TOR1AIP1: variants seen among roughly 807,000 people sequenced by gnomAD.
TOR1AIP1 encodes torsin-1A-interacting protein 1.
TOR1AIP1 carries 54 observed loss-of-function variants against 63.3 expected under a neutral mutation model. That is an observed-to-expected ratio of 0.85 (90% CI 0.69 to 1.07). TOR1AIP1 has a LOEUF of 1.07. Among genes scored for constraint, TOR1AIP1 ranks in the 50% least tolerant of loss-of-function variants. The pLI, the probability that TOR1AIP1 is intolerant of heterozygous loss-of-function variation, is 0.00. For missense variants in TOR1AIP1, 736 were observed against 715.0 expected, an observed-to-expected ratio of 1.03 and a Z score of -0.33; for synonymous variants, 294 against 273.5, an observed-to-expected ratio of 1.07 and a Z score of -0.74.
chr1:179,903,752 G>A lies in TOR1AIP1; in HGVS notation c.740-214G>A, dbSNP rs184590522. On this transcript the variant is annotated intron_variant, in intron 5 of 9. Transcript: ENST00000606911. ...TCAATCTCCTGACCTCAGGTGATCCGCTTGCCTCAGCCTCCCAATGTGCTG... is the reference window on the plus strand; with the variant it reads ...TCAATCTCCTGACCTCAGGTGATCCACTTGCCTCAGCCTCCCAATGTGCTG... Among the ~76,000 whole-genome samples, 35 of 152,220 alleles carry A rather than the reference G, an allele frequency of 2.3e-4. 1 individual carries two copies. In the East Asian group the frequency reaches 6.6e-3, roughly 29 times the overall value.
intron 9 of TOR1AIP1, among the ~76,000 whole-genome samples, chr1:179,914,835 A>AT (rs1211209546): frequency 6.6e-6 from 1 of 152,052 alleles, no homozygotes; most frequent in Non-Finnish European, 1.5e-5. Context: ...TGATTCTGAA[A>AT]TTTTTTGTTC....
chr1:179,916,542 A>C (rs1231063966), intron 9 of TOR1AIP1, among the ~76,000 whole-genome samples: 1 of 152,154 alleles, frequency 6.6e-6, no homozygotes, highest in Non-Finnish European at 1.5e-5. Flanking sequence ...AATATAAATT[A>C]ATCCTATTAT....
At chr1:179,887,132 G>C (rs1647931219) in intron 2 of TOR1AIP1, among the ~76,000 whole-genome samples, 1 of 152,196 alleles carries the variant, frequency 6.6e-6, no homozygotes, top group African/African-American at 2.4e-5. Flanking sequence ...CGGCATGGTG[G>C]CTCACGCCTG....
intron 3 of TOR1AIP1, among the ~76,000 whole-genome samples, chr1:179,897,413 C>G (rs139909187): frequency 1.3e-5 from 2 of 152,260 alleles, no homozygotes; most frequent in Admixed American, 6.5e-5. Context: ...TGAATTGGCT[C>G]TAGACAAATT....
Position 179,907,593 on chromosome 1 carries a change from T to TTA in TOR1AIP1, c.797-206_797-205dup, listed in dbSNP as rs55752745. 0.045 allele frequency among the ~76,000 whole-genome samples: 2,817 copies of TTA among 63,070 alleles called. 87 individuals carry two copies. Among genetic ancestry groups the TTA allele is most frequent in the East Asian group, 0.13 (88 of 682 alleles). The allele number at this position is 63,070 out of a possible 152,430, so 41.4% of individuals were successfully genotyped here. ...AGGGGGAAAGAAATACACACACACT[T>TTA]TATATATATATATATATATATATAT... On this transcript the variant is annotated intron_variant, in intron 6 of 9. Coordinates refer to ENST00000606911, the MANE Select transcript of TOR1AIP1 (RefSeq NM_015602.4).
At chr1:179,895,036 G>T (rs1442858066) in intron 3 of TOR1AIP1, among the ~76,000 whole-genome samples, 1 of 152,182 alleles carries the variant, frequency 6.6e-6, no homozygotes, top group Admixed American at 6.5e-5. Flanking sequence ...ATTAATGCTT[G>T]GTTTTCACTA....
rs1649094969 is a variant in TOR1AIP1, at chr1:179,918,533, T to C, written c.*294T>C. Reference sequence around the variant, plus strand: ...GGGCTGAGTTATTACAGTTATGGTATGACCAGTGAGAGGGATTTGTGTCCT... The same window carrying C: ...GGGCTGAGTTATTACAGTTATGGTACGACCAGTGAGAGGGATTTGTGTCCT... On this transcript the variant is annotated 3_prime_UTR_variant, in exon 10 of 10. Transcript: ENST00000606911. 3.6e-6 allele frequency: 1 copy of C among 274,902 alleles called. No individual in the cohort carries two copies. The allele number at this position is 274,902 out of a possible 1,614,324, so 17.0% of individuals were successfully genotyped here. A position where few individuals can be genotyped will look rare whatever the true frequency, so the allele number is the denominator to read the frequency against.
intron 5 of TOR1AIP1, among the ~76,000 whole-genome samples, chr1:179,901,669 G>C (rs559479492): frequency 1.4e-4 from 22 of 152,086 alleles, no homozygotes; most frequent in Non-Finnish European, 2.8e-4. Flanking sequence ...GAATTTTATA[G>C]AGAAACTAAT....
chr1:179,906,638 T>C (rs1051092605), intron 6 of TOR1AIP1, among the ~76,000 whole-genome samples: 1 of 152,046 alleles, frequency 6.6e-6, no homozygotes, highest in Non-Finnish European at 1.5e-5. Flanking sequence ...TTCTTTATGG[T>C]ATGGTATGTG....
At chr1:179,893,757 A>G (rs968197879) in intron 3 of TOR1AIP1, among the ~76,000 whole-genome samples, 8 of 152,126 alleles carry the variant, frequency 5.3e-5, no homozygotes, top group Non-Finnish European at 8.8e-5. Context: ...TCTTAAAACT[A>G]TCTGTACCAG....
At chr1:179,900,071 G>C (rs1484889018) in intron 3 of TOR1AIP1, 55 bp from the exon 4 acceptor site, 4 of 1,369,516 alleles carry the variant, frequency 2.9e-6, no homozygotes, top group African/African-American at 1.4e-5. Context: ...TTATTCCTAA[G>C]CTTTAACTTT....
intron 1 of TOR1AIP1, among the ~76,000 whole-genome samples, chr1:179,883,452 G>C (rs953136188): frequency 6.6e-5 from 10 of 152,214 alleles, no homozygotes; most frequent in African/African-American, 2.4e-4. Context: ...GGTGGGCAGA[G>C]AGGAAGGAGA....
rs777128963 is a variant in TOR1AIP1 at position 179,917,461 on chromosome 1, G to GAC, written c.976_977dup (p.Gln326HisfsTer19). 2.5e-6 allele frequency: 4 copies of GAC among 1,611,322 alleles called. No homozygotes were observed. The highest frequency in any genetic ancestry group is 3.4e-6 in the Non-Finnish European group (4 of 1,179,468). On this transcript the variant is annotated frameshift_variant, in exon 10 of 10. Coordinates refer to ENST00000606911, the MANE Select transcript of TOR1AIP1 (RefSeq NM_015602.4). LOFTEE classifies it low-confidence loss of function (END_TRUNC). Reference sequence around the variant, plus strand: ...TTTTTTGTCTGAGTAGAAGTGACTGGACAACCCCAAAATGCATCTTTTGTC... The same window carrying GAC: ...TTTTTTGTCTGAGTAGAAGTGACTGGACACAACCCCAAAATGCATCTTTTGTC...
In TOR1AIP1 at chr1:179,882,964, T is replaced by C. The variant is rs1265200288; in HGVS notation, c.462T>C (p.Ser154=). The part of the protein sequence containing the change: ...PVMTRRGLRD[S]HSSEEDEASS... ...TGACCAGGAGAGGGCTGCGGGACTCTCATTCCTCTGAAGGTGAGGACCGCG... is the reference window on the plus strand; with the variant it reads ...TGACCAGGAGAGGGCTGCGGGACTCCCATTCCTCTGAAGGTGAGGACCGCG... Residue 154 remains serine (S), a synonymous_variant, in exon 1 of 10, where the codon TCT becomes TCC. Transcript: ENST00000606911. The C allele has an allele frequency of 1.2e-6, 2 of 1,612,122 alleles. No homozygotes were observed. Among genetic ancestry groups the C allele is most frequent in the Admixed American group, 1.7e-5 (1 of 59,768 alleles).
intron 2 of TOR1AIP1, among the ~76,000 whole-genome samples, chr1:179,887,326 G>T (rs1647939185): frequency 6.6e-6 from 1 of 152,130 alleles, no homozygotes; most frequent in Admixed American, 6.5e-5. Flanking sequence ...TTGAACGCGG[G>T]AGGCGGAGGT....
At chr1:179,897,739 T>C (rs17370763) in intron 3 of TOR1AIP1, among the ~76,000 whole-genome samples, 7,953 of 152,216 alleles carry the variant, frequency 0.052, 309 homozygotes, top group Non-Finnish European at 0.068. Flanking sequence ...GAATTACACT[T>C]AGAAGTTTAT....
chr1:179,882,692 C>T lies in TOR1AIP1; in HGVS notation c.190C>T (p.Pro64Ser), dbSNP rs1235118706. ...GGAAGTGAGGTTCTCGGACGAGCCG[C>T]CAGAAGTGTACGGCGACTTCGAGCC... is the stretch of plus-strand genomic sequence containing the variant. The part of the protein sequence containing the change: ...RREVRFSDEP[P>S]EVYGDFEPLV... The change falls in exon 1 of 10, where the codon CCA (proline) becomes TCA (serine). Residue 64 changes from proline to serine, a missense_variant. Physicochemically the swap from Pro to Ser is moderately conservative, Grantham distance 74 (BLOSUM62 -1). Coordinates refer to ENST00000606911, the MANE Select transcript of TOR1AIP1 (RefSeq NM_015602.4). 1 of 1,610,096 alleles carries T rather than the reference C, an allele frequency of 6.2e-7. No individual in the cohort carries two copies. The highest frequency in any genetic ancestry group is 1.3e-5 in the African/African-American group (1 of 74,726).
In TOR1AIP1 at chr1:179,918,529, G is replaced by T; in HGVS notation, c.*290G>T. Reference sequence around the variant, plus strand: ...TTCTGGGCTGAGTTATTACAGTTATGGTATGACCAGTGAGAGGGATTTGTG... The same window carrying T: ...TTCTGGGCTGAGTTATTACAGTTATTGTATGACCAGTGAGAGGGATTTGTG... On this transcript the variant is annotated 3_prime_UTR_variant, in exon 10 of 10. Transcript: ENST00000606911. 3.6e-6 allele frequency: 1 copy of T among 280,178 alleles called. No individual in the cohort carries two copies. The highest frequency in any genetic ancestry group is 6.7e-6 in the Non-Finnish European group (1 of 149,744). The allele number at this position is 280,178 out of a possible 1,614,324, so 17.4% of individuals were successfully genotyped here.
intron 2 of TOR1AIP1, among the ~76,000 whole-genome samples, chr1:179,888,646 A>G (rs518774): frequency 0.53 from 80,851 of 152,072 alleles, 23,257 homozygotes; most frequent in East Asian, 0.76. Context: ...TGAATGAAAC[A>G]AAACATAATA....
Sources: allele counts gnomAD v4.1 joint callset (sites outside exome capture counted in the v4.1 genomes callset), GRCh38; gene constraint gnomAD v4.1.1; transcripts MANE v1.5; gene names NCBI Gene and HGNC (gene_info 2026-07-23, HGNC 2026-07-21).